Variants in POC5 observed in about 807,000 individuals in gnomAD.
POC5 encodes centrosomal protein POC5.
A neutral mutation model predicts 62.9 loss-of-function variants in POC5; 48 were observed. That is an observed-to-expected ratio of 0.76 (90% CI 0.61 to 0.97). The LOEUF is 0.97. Ranked by LOEUF, POC5 falls within the 50% of genes least tolerant of loss-of-function variation. POC5 has a pLI of 0.00. For missense variants in POC5, 696 were observed against 679.5 expected (o/e 1.02, Z -0.27); for synonymous variants, 236 against 228.2 (o/e 1.03, Z -0.31).
intron 11 of POC5, among the ~76,000 whole-genome samples, chr5:75,676,701 A>C (rs906339020): frequency 6.6e-6 from 1 of 152,128 alleles, no homozygotes; most frequent in African/African-American, 2.4e-5. Flanking sequence ...GGGTGCCTGT[A>C]ATCCCAGCTA....
At chr5:75,674,848 C>T (rs1234245292) in intron 11 of POC5, among the ~76,000 whole-genome samples, 1 of 152,188 alleles carries the variant, frequency 6.6e-6, no homozygotes, top group Non-Finnish European at 1.5e-5. Flanking sequence ...AGCCATTCCT[C>T]CAACAGGGCC....
intron 4 of POC5, among the ~76,000 whole-genome samples, chr5:75,703,519 G>C (rs906324330): frequency 6.6e-6 from 1 of 152,112 alleles, no homozygotes; most frequent in East Asian, 1.9e-4. Context: ...CCAGCTACTC[G>C]GGAAGCTGAG....
At chr5:75,698,606 G>T (rs1776716317) in intron 5 of POC5, among the ~76,000 whole-genome samples, 1 of 151,792 alleles carries the variant, frequency 6.6e-6, no homozygotes, top group Non-Finnish European at 1.5e-5. Flanking sequence ...ATGCCCACAA[G>T]AGAAAGGAGG....
chr5:75,705,911 G>A, intron 3 of POC5, 124 bp from the exon 4 acceptor site: 3 of 562,724 alleles, frequency 5.3e-6, no homozygotes, highest in Non-Finnish European at 9.1e-6. Flanking sequence ...AACATGCTGG[G>A]GATATAGGAA....
At chr5:75,716,909 C>T (rs2112230857) in intron 1 of POC5, among the ~76,000 whole-genome samples, 1 of 152,240 alleles carries the variant, frequency 6.6e-6, no homozygotes, top group East Asian at 1.9e-4. Context: ...CGCGCCAGCC[C>T]CTCCCCAAAG....
At chr5:75,689,608 T>C in intron 8 of POC5, 2 of 985,134 alleles carry the variant, frequency 2.0e-6, no homozygotes, top group Non-Finnish European at 2.4e-6. Flanking sequence ...AAGTGCAGAG[T>C]GACCCTAGGT....
chr5:75,685,367 A>G lies in POC5; in HGVS notation c.1247T>C (p.Leu416Pro). 1.9e-6 allele frequency: 3 copies of G among 1,614,034 alleles called. No homozygotes were observed. Among genetic ancestry groups the G allele is most frequent in the Non-Finnish European group, 2.5e-6 (3 of 1,179,900 alleles). ...GACGGCGGCTGGTGGGGATGGCAGCAGTGGTGATGTAACTGGTAAGGGCAT... is the reference window on the plus strand; with the variant it reads ...GACGGCGGCTGGTGGGGATGGCAGCGGTGGTGATGTAACTGGTAAGGGCAT... ...PPMPLPVTSP[L>P]LPSPPAAVGG... The change falls in exon 10 of 12, where the codon CTG becomes CCG. Residue 416 changes from leucine (L) to proline (P), a missense_variant. Transcript: ENST00000428202.
chr5:75,707,268 G>A (rs944880227), intron 3 of POC5, among the ~76,000 whole-genome samples: 8 of 152,208 alleles, frequency 5.3e-5, no homozygotes, highest in African/African-American at 1.7e-4. Context: ...ATGGTCCACA[G>A]ATGGGTTCAC....
intron 5 of POC5, among the ~76,000 whole-genome samples, chr5:75,696,391 G>T (rs997952611): frequency 2.0e-5 from 3 of 152,182 alleles, no homozygotes; most frequent in Non-Finnish European, 4.4e-5. Context: ...GCCTCAAGTG[G>T]GTCCCTGACC....
chr5:75,690,068 C>T (rs1432125281), intron 8 of POC5, among the ~76,000 whole-genome samples: 2 of 151,886 alleles, frequency 1.3e-5, no homozygotes, highest in East Asian at 1.9e-4. Flanking sequence ...TTAGTAGAGA[C>T]GGGGTTTCAC....
intron 10 of POC5, among the ~76,000 whole-genome samples, chr5:75,683,496 G>A (rs912643232): frequency 9.2e-5 from 14 of 152,134 alleles, no homozygotes; most frequent in African/African-American, 3.4e-4. Flanking sequence ...GCCTCCCAAA[G>A]TGTTGGGATT....
Position 75,702,742 on chromosome 5 carries a change from A to C in POC5, c.376T>G (p.Leu126Val), listed in dbSNP as rs766068031. 8 of 1,602,424 alleles carry C rather than the reference A, an allele frequency of 5.0e-6. No homozygotes were observed. The highest frequency in any genetic ancestry group is 6.8e-6 in the Non-Finnish European group (8 of 1,173,996). Reference sequence around the variant, plus strand: ...GTTGCTGGTGAGGAAGAGTCAGCTAAAAGATGTGAACTGAAAAAATCCATG... The same window carrying C: ...GTTGCTGGTGAGGAAGAGTCAGCTACAAGATGTGAACTGAAAAAATCCATG... The part of the protein sequence containing the change: ...PVMDFFSSHL[L>V]ADSSSPATNS... The change falls in exon 5 of 12, where the codon TTA becomes GTA. Residue 126 changes from leucine to valine, a missense_variant. By Grantham distance (32) the Leu-to-Val change is conservative. Transcript: ENST00000428202.
At chr5:75,712,466 C>T (rs1193873850) in intron 2 of POC5, 1 of 1,597,188 alleles carries the variant, frequency 6.3e-7, no homozygotes, top group African/African-American at 1.3e-5. Context: ...GCAAGTAGAA[C>T]ACAAGGGAAT....
Position 75,712,803 on chromosome 5 carries a change from CATTT to C in POC5, c.84+47_84+50del, listed in dbSNP as rs35381945. The C allele has an allele frequency of 1.1e-4, 142 of 1,333,032 alleles. No homozygotes were observed. In the East Asian group the frequency reaches 2.6e-3, roughly 25 times the overall value. 82.6% of individuals were successfully genotyped at this position (1,333,032 alleles called of 1,614,324 possible). A position where few individuals can be genotyped will look rare whatever the true frequency, so the allele number is the denominator to read the frequency against. On this transcript the variant is annotated intron_variant, in intron 2 of 11. Coordinates refer to ENST00000428202, the MANE Select transcript of POC5 (RefSeq NM_001099271.2). ...AAAAATCCTAGTTTTCCCTTACATT[CATTT>C]GTTTAAAATAAAAAAAGTCATGGTA...
At chr5:75,694,929 G>C in intron 5 of POC5, 98 bp from the exon 6 acceptor site, 1 of 860,072 alleles carries the variant, frequency 1.2e-6, no homozygotes, top group Non-Finnish European at 1.7e-6. Context: ...ATCAGAACAA[G>C]CATCAACACA....
intron 11 of POC5, among the ~76,000 whole-genome samples, chr5:75,676,913 T>A (rs190535446): frequency 2.0e-5 from 3 of 152,246 alleles, no homozygotes; most frequent in Admixed American, 6.5e-5. Context: ...ACTCTTATTA[T>A]ACTTTTTGAG....
Position 75,689,096 on chromosome 5 carries a change from C to T in POC5, c.1045G>A (p.Asp349Asn), listed in dbSNP as rs759046000. ...CTCATGAAAGCTTTTTTCATGGAAT[C>T]TTCAAAGTGCTCTTTTTCATGTTGC... ...RMQHEKEHFE[D>N]SMKKAFMRGV... Residue 349 changes from aspartate to asparagine, a missense_variant, in exon 9 of 12, where the codon GAT (aspartate) becomes AAT (asparagine). Asp to Asn is a conservative substitution (Grantham distance 23). Transcript: ENST00000428202. 6 of 1,597,596 alleles carry T rather than the reference C, an allele frequency of 3.8e-6. No individual in the cohort carries two copies. In the South Asian group the frequency reaches 4.6e-5, roughly 12 times the overall value.
At chr5:75,705,380 G>A (rs1032598640) in intron 4 of POC5, 7 of 173,002 alleles carry the variant, frequency 4.0e-5, no homozygotes, top group African/African-American at 1.7e-4. Context: ...CCTGAAAGTT[G>A]GGAAACAGTG....
Position 75,674,199 on chromosome 5 carries a change from T to C in POC5, c.*236A>G, listed in dbSNP as rs3815895. On this transcript the variant is annotated 3_prime_UTR_variant, in exon 12 of 12. Transcript: ENST00000428202. Reference sequence around the variant, plus strand: ...ACATATTAAAGAAATAAAGTCCAGTTTCTTTTTTAATTTAAAAAAGTTTTA... The same window carrying C: ...ACATATTAAAGAAATAAAGTCCAGTCTCTTTTTTAATTTAAAAAAGTTTTA... 71,687 of 306,876 alleles carry C rather than the reference T, an allele frequency of 0.23. 10,299 individuals are homozygous for C. Among genetic ancestry groups the C allele is most frequent in the East Asian group, 0.42 (7,339 of 17,574 alleles). 19.0% of individuals were successfully genotyped at this position (306,876 alleles called of 1,614,324 possible).
Sources: gnomAD v4.1 joint callset for allele counts (sites outside exome capture counted in the v4.1 genomes callset) on GRCh38, gnomAD v4.1.1 for gene constraint, MANE v1.5 for transcripts, NCBI Gene and HGNC (gene_info 2026-07-23, HGNC 2026-07-21) for gene names.